DECR1: variants seen among roughly 807,000 people sequenced by gnomAD.
The protein encoded by DECR1 is 2,4-dienoyl-CoA reductase [(3E)-enoyl-CoA-producing], mitochondrial.
In DECR1, 44 loss-of-function variants were observed where a neutral mutation model predicts 38.8. That is an observed-to-expected ratio of 1.13 (90% CI 0.89 to 1.46). The LOEUF (loss-of-function observed/expected upper bound fraction) is 1.46, where lower values mean the gene tolerates loss of function less well. DECR1 is among the 40% of genes most tolerant of loss of function. DECR1 has a pLI of 0.00. For missense variants in DECR1, 428 were observed against 405.5 expected, an observed-to-expected ratio of 1.06 and a Z score of -0.48; for synonymous variants, 148 against 135.2, an observed-to-expected ratio of 1.09 and a Z score of -0.66.
At chr8:90,038,508 G>T (rs1394500436) in intron 6 of DECR1, among the ~76,000 whole-genome samples, 1 of 146,956 alleles carries the variant, frequency 6.8e-6, no homozygotes, top group Admixed American at 6.9e-5. Context: ...GCCCAGGCTG[G>T]AGTGCAATGG....
In DECR1 at chr8:90,012,585, A is replaced by G. The variant is rs184849905; in HGVS notation, c.70-4539A>G. Among the ~76,000 whole-genome samples the G allele has an allele frequency of 1.1e-4, 16 of 152,336 alleles. No individual in the cohort carries two copies. In the East Asian group the frequency reaches 3.1e-3, roughly 29 times the overall value. ...TTCAATCATATATTCACATAAGACT[A>G]CATGTCTGTATCCATGTGCTTTCTA... On this transcript the variant is annotated intron_variant, in intron 1 of 9. Transcript: ENST00000220764.
In DECR1 at chr8:90,001,529, T is replaced by G. The variant is rs755380328; in HGVS notation, c.37T>G (p.Ser13Ala). The change falls in exon 1 of 10, where the codon TCC becomes GCC. Residue 13 changes from serine to alanine, a missense_variant. By Grantham distance (99) the Ser-to-Ala change is moderately conservative. Coordinates refer to ENST00000220764, the MANE Select transcript of DECR1 (RefSeq NM_001359.2). ...LPARVFFTLG[S>A]RLPCGLAPRR... ...GGCCAGGGTTTTCTTTACTCTGGGGTCCCGGCTGCCCTGTGGCCTCGCTCC... is the reference window on the plus strand; with the variant it reads ...GGCCAGGGTTTTCTTTACTCTGGGGGCCCGGCTGCCCTGTGGCCTCGCTCC... 1 of 1,613,920 alleles carries G rather than the reference T, an allele frequency of 6.2e-7. No individual in the cohort carries two copies. The highest frequency in any genetic ancestry group is 8.5e-7 in the Non-Finnish European group (1 of 1,179,900).
At chr8:90,025,843 A>T (rs1178932133) in intron 5 of DECR1, among the ~76,000 whole-genome samples, 1 of 151,884 alleles carries the variant, frequency 6.6e-6, no homozygotes, top group Non-Finnish European at 1.5e-5. Context: ...ATTCAGTATG[A>T]TATTGGCTCT....
intron 6 of DECR1, among the ~76,000 whole-genome samples, chr8:90,040,126 T>G (rs1254430654): frequency 2.0e-5 from 3 of 152,220 alleles, no homozygotes; most frequent in Non-Finnish European, 4.4e-5. Context: ...GCAGATTTTC[T>G]TAACAGGTTG....
intron 5 of DECR1, among the ~76,000 whole-genome samples, chr8:90,031,799 G>A (rs1813501649): frequency 6.6e-6 from 1 of 152,108 alleles, no homozygotes; most frequent in East Asian, 1.9e-4. Context: ...CATACAAGGA[G>A]TTCAGTGTTG....
At chr8:90,012,949 G>T (rs7837423) in intron 1 of DECR1, among the ~76,000 whole-genome samples, 10,433 of 152,252 alleles carry the variant, frequency 0.069, 1,083 homozygotes, top group African/African-American at 0.22. Context: ...GGTGAAAGTA[G>T]TTGGCAAGTT....
intron 5 of DECR1, among the ~76,000 whole-genome samples, chr8:90,031,511 G>A (rs1263799854): frequency 2.0e-5 from 3 of 152,102 alleles, no homozygotes; most frequent in East Asian, 1.9e-4. Flanking sequence ...ATGTTTAAAT[G>A]AGAAAAGTGT....
chr8:90,047,495 A>G (rs1813941803), intron 8 of DECR1, among the ~76,000 whole-genome samples: 1 of 152,236 alleles, frequency 6.6e-6, no homozygotes, highest in African/African-American at 2.4e-5. Flanking sequence ...TATCCTAAAT[A>G]TATTTGCACC....
intron 6 of DECR1, among the ~76,000 whole-genome samples, chr8:90,039,887 G>A (rs1813711232): frequency 6.6e-6 from 1 of 152,172 alleles, no homozygotes; most frequent in Non-Finnish European, 1.5e-5. Flanking sequence ...CACATGGTAA[G>A]TATATAATAA....
intron 8 of DECR1, among the ~76,000 whole-genome samples, chr8:90,046,553 T>A (rs1813908374): frequency 6.6e-6 from 1 of 152,128 alleles, no homozygotes; most frequent in Admixed American, 6.5e-5. Flanking sequence ...AAAGACCAAA[T>A]CTACGTCTGA....
intron 8 of DECR1, 35 bp from the exon 9 acceptor site, chr8:90,051,642 G>T: frequency 6.4e-7 from 1 of 1,559,192 alleles, no homozygotes; most frequent in South Asian, 1.1e-5. Context: ...TTTAAAAGGA[G>T]TTAGTTTCAG....
intron 8 of DECR1, among the ~76,000 whole-genome samples, chr8:90,048,396 T>C (rs1813969378): frequency 6.6e-6 from 1 of 152,052 alleles, no homozygotes; most frequent in Non-Finnish European, 1.5e-5. Context: ...CATCAGAGAA[T>C]ACTATAAACA....
At chr8:90,001,697 G>A in intron 1 of DECR1, 136 bp downstream of exon 1, 1 of 779,898 alleles carries the variant, frequency 1.3e-6, no homozygotes, top group Non-Finnish European at 2.0e-6. Flanking sequence ...GGCGTCCCGG[G>A]GGTTCGGGGA....
intron 1 of DECR1, chr8:90,015,551 G>A: frequency 4.8e-6 from 2 of 418,532 alleles, no homozygotes; most frequent in South Asian, 3.5e-5. Context: ...GTGATGAACA[G>A]CCTCCTTCTA....
intron 1 of DECR1, chr8:90,006,105 A>G: frequency 3.0e-6 from 2 of 665,748 alleles, no homozygotes; most frequent in South Asian, 3.3e-5. Context: ...ATTAGACCCC[A>G]CCTCCAACAT....
chr8:90,008,127 A>G (rs757432841), intron 1 of DECR1, among the ~76,000 whole-genome samples: 1 of 152,246 alleles, frequency 6.6e-6, no homozygotes, highest in Non-Finnish European at 1.5e-5. Context: ...TGACTATTCC[A>G]GAAGCATCCC....
chr8:90,022,775 C>G lies in DECR1; in HGVS notation c.565+1719C>G, dbSNP rs143317666. ...TCTTTGTCCTTCTTTGCCTCTTTGT[C>G]TCTTATTTCTTCCCTCGCTCATCTC... On this transcript the variant is annotated intron_variant, in intron 5 of 9. Transcript: ENST00000220764. Among the ~76,000 whole-genome samples the G allele has an allele frequency of 8.2e-3, 1,247 of 152,124 alleles. 13 individuals are homozygous for G. Among genetic ancestry groups the G allele is most frequent in the Middle Eastern group, 0.017 (5 of 294 alleles).
At chr8:90,022,063 C>G (rs1489738057) in intron 5 of DECR1, among the ~76,000 whole-genome samples, 1 of 152,138 alleles carries the variant, frequency 6.6e-6, no homozygotes, top group East Asian at 1.9e-4. Context: ...GGACAAGACC[C>G]TGTCCCTGAA....
chr8:90,027,193 A>G (rs1463762650), intron 5 of DECR1, among the ~76,000 whole-genome samples: 1 of 152,190 alleles, frequency 6.6e-6, no homozygotes, highest in Non-Finnish European at 1.5e-5. Context: ...AAGAATATAT[A>G]GTCTGTTGAT....
Sources: allele counts gnomAD v4.1 joint callset (sites outside exome capture counted in the v4.1 genomes callset), GRCh38; gene constraint gnomAD v4.1.1; transcripts MANE v1.5; gene names NCBI Gene and HGNC (gene_info 2026-07-23, HGNC 2026-07-21).